Variants in SIK3 observed in about 807,000 individuals in gnomAD.
SIK3 encodes SIK family kinase 3, also known as serine/threonine-protein kinase SIK3.
A neutral mutation model predicts 144.2 loss-of-function variants in SIK3; 28 were observed. The ratio of observed to expected loss-of-function variants is 0.19; its 90% confidence interval spans 0.14 to 0.27. The LOEUF (loss-of-function observed/expected upper bound fraction) is 0.27, where lower values mean the gene tolerates loss of function less well. Among genes scored for constraint, SIK3 ranks in the 10% least tolerant of loss-of-function variants. SIK3 has a pLI of 1.00. For synonymous variants in SIK3, 686 were observed against 676.3 expected (o/e 1.01, Z -0.22); for missense variants, 1,319 against 1,776.0 (o/e 0.74, Z 4.62).
At chr11:117,057,827 C>T (rs1164742696) in intron 1 of SIK3, among the ~76,000 whole-genome samples, 2 of 152,136 alleles carry the variant, frequency 1.3e-5, no homozygotes, top group African/African-American at 2.4e-5. Flanking sequence ...CTTATTTACC[C>T]ACCTATACAA....
chr11:116,965,204 T>C (rs1949484163), intron 1 of SIK3, among the ~76,000 whole-genome samples: 1 of 152,208 alleles, frequency 6.6e-6, no homozygotes, highest in African/African-American at 2.4e-5. Context: ...AATTCCCATC[T>C]GGTTGACATT....
At position 116,858,459 on chromosome 11, in the gene SIK3, G is replaced by A. The variant is rs1943107534; in HGVS notation, c.3006C>T (p.Pro1002=). 1 of 1,605,028 alleles carries A rather than the reference G, an allele frequency of 6.2e-7. No homozygotes were observed. ...TSALQQALLS[P]TPPDYTRHQQ... is the part of the protein sequence containing the mutation. ...GGTGTCTTGTATAGTCTGGCGGCGT[G>A]GGAGACAGCAGGGCCTGCTGTAGTG... Residue 1002 remains proline (P), a synonymous_variant, in exon 21 of 25, where the codon CCC becomes CCT. Coordinates refer to ENST00000445177, the MANE Select transcript of SIK3 (RefSeq NM_001366686.3). This position sits in a 1 kb window ranked among gnomAD's most constrained non-coding sequence, Gnocchi z 5.4.
At chr11:116,957,719 C>T (rs1264941425) in intron 1 of SIK3, among the ~76,000 whole-genome samples, 1 of 152,132 alleles carries the variant, frequency 6.6e-6, no homozygotes, top group Non-Finnish European at 1.5e-5. Context: ...TTTAGAAATA[C>T]AGAAACTGAG....
At chr11:117,061,770 A>AT (rs1357712955) in intron 1 of SIK3, among the ~76,000 whole-genome samples, 10 of 152,210 alleles carry the variant, frequency 6.6e-5, no homozygotes, top group African/African-American at 2.2e-4. Flanking sequence ...ATTATCAATC[A>AT]TAAGCTATTC....
intron 1 of SIK3, among the ~76,000 whole-genome samples, chr11:117,014,967 G>A (rs1951456678): frequency 6.6e-6 from 1 of 152,124 alleles, no homozygotes; most frequent in Non-Finnish European, 1.5e-5. Context: ...AGGAGGCTGA[G>A]GCAGGAGGAT....
At chr11:116,868,176 C>T in intron 14 of SIK3, 87 bp from the exon 15 acceptor site, 1 of 1,512,198 alleles carries the variant, frequency 6.6e-7, no homozygotes, top group Non-Finnish European at 9.0e-7. Context: ...ATCCAAAGCA[C>T]TCAATGAAAT....
chr11:116,857,855 G>A lies in SIK3; in HGVS notation c.3610C>T (p.His1204Tyr), dbSNP rs1387715086. 5 of 1,614,098 alleles carry A rather than the reference G, an allele frequency of 3.1e-6. No homozygotes were observed. The African/African-American group carries it at 4.0e-5, about 13-fold the overall frequency. The change falls in exon 21 of 25, where the codon CAT becomes TAT. Residue 1204 changes from histidine (H) to tyrosine (Y), a missense_variant. By Grantham distance (83) the His-to-Tyr change is moderately conservative. Around this residue, in one of 8 missense-constraint regions of SIK3, gnomAD observed 646 missense variants for 763.7 expected, o/e 0.85. Transcript: ENST00000445177. ...AQELGIHPYG[H>Y]QPTAAFSKNK... ...TTACTGAATGCAGCAGTTGGCTGAT[G>A]ACCATAGGGATGTATCCCCAATTCT...
chr11:116,954,670 G>T (rs1949074540), intron 2 of SIK3, among the ~76,000 whole-genome samples: 1 of 152,064 alleles, frequency 6.6e-6, no homozygotes, highest in African/African-American at 2.4e-5. Context: ...TAAGTGATTT[G>T]TGTTTTGTCT....
At chr11:117,056,175 C>A (rs939496818) in intron 1 of SIK3, among the ~76,000 whole-genome samples, 3 of 152,088 alleles carry the variant, frequency 2.0e-5, no homozygotes, top group Non-Finnish European at 4.4e-5. Context: ...CACATATACA[C>A]CATGGAATAC....
At chr11:117,021,956 A>AAAAAAAAAAAAAC (rs1565565773) in intron 1 of SIK3, among the ~76,000 whole-genome samples, 1 of 144,790 alleles carries the variant, frequency 6.9e-6, no homozygotes, top group African/African-American at 2.7e-5. Context: ...AAAAAAAAAA[A>AAAAAAAAAAAAAC]AAAAACCTAA....
intron 1 of SIK3, among the ~76,000 whole-genome samples, chr11:117,087,927 T>C (rs1236269451): frequency 2.0e-5 from 3 of 152,140 alleles, no homozygotes; most frequent in Non-Finnish European, 1.5e-5. Flanking sequence ...AGCAATGTTA[T>C]GGTAAAGTAA....
chr11:117,045,794 G>A (rs962119041), intron 1 of SIK3, among the ~76,000 whole-genome samples: 1 of 152,184 alleles, frequency 6.6e-6, no homozygotes, highest in Non-Finnish European at 1.5e-5. Flanking sequence ...CCATTATTTT[G>A]GCATCTGTTT....
At chr11:116,855,475 G>A (rs1942834379) in intron 21 of SIK3, 1 of 152,238 alleles carries the variant, frequency 6.6e-6, no homozygotes, top group Non-Finnish European at 1.5e-5. Flanking sequence ...CTGACAATCA[G>A]GGGACAATGG....
At position 116,875,451 on chromosome 11, in the gene SIK3, C is replaced by A; in HGVS notation, c.1240G>T (p.Ala414Ser). The A allele has an allele frequency of 6.2e-7, 1 of 1,614,058 alleles. No individual in the cohort carries two copies. The highest frequency in any genetic ancestry group is 8.5e-7 in the Non-Finnish European group (1 of 1,179,988). ...TTCATAGCAGTACCTGCCTGCTCCG[C>A]CTGGAAAGCAGTACATACATATACA... is the stretch of plus-strand genomic sequence containing the variant. ...LAFQAPVNIQAEQAGTAMNIS... is the reference protein window; with the variant it reads ...LAFQAPVNIQSEQAGTAMNIS... Residue 414 changes from alanine to serine, a missense_variant and splice_region_variant, in exon 10 of 25, where the codon GCG (alanine) becomes TCG (serine). Physicochemically the swap from Ala to Ser is moderately conservative, Grantham distance 99 (BLOSUM62 1). Around this residue, in one of 8 missense-constraint regions of SIK3, gnomAD observed 109 missense variants for 109.3 expected, o/e 1.00. Transcript: ENST00000445177.
At position 117,021,928 on chromosome 11, in the gene SIK3, CAAAAAAAAAAAAAAA is replaced by C. The variant is rs71037444; in HGVS notation, c.274-64879_274-64865del. On this transcript the variant is annotated intron_variant, in intron 1 of 24. Coordinates refer to ENST00000445177, the MANE Select transcript of SIK3 (RefSeq NM_001366686.3). ...ATAGCACAGTGAGCCTCTGTCTCTA[CAAAAAAAAAAAAAAA>C]AAAAAAAAAAAAAAAAAACCTAAAA... is the stretch of plus-strand genomic sequence containing the variant. Among the ~76,000 whole-genome samples, 545 of 58,996 alleles carry C rather than the reference CAAAAAAAAAAAAAAA, an allele frequency of 9.2e-3. 1 individual carries two copies. The highest frequency in any genetic ancestry group is 0.016 in the Non-Finnish European group (440 of 27,096). 38.7% of individuals were successfully genotyped at this position (58,996 alleles called of 152,430 possible).
At chr11:117,023,623 TA>T in intron 1 of SIK3, among the ~76,000 whole-genome samples, 1 of 80,428 alleles carries the variant, frequency 1.2e-5, no homozygotes, top group Admixed American at 1.2e-4. Context: ...AAAAAAAAAA[TA>T]TATATATATA....
chr11:116,964,249 C>A (rs550220581), intron 1 of SIK3, among the ~76,000 whole-genome samples: 1 of 152,272 alleles, frequency 6.6e-6, no homozygotes, highest in African/African-American at 2.4e-5. Flanking sequence ...GATCCTCCCA[C>A]CTCAGTCTCC....
At chr11:117,088,636 G>A (rs1955118072) in intron 1 of SIK3, among the ~76,000 whole-genome samples, 1 of 152,160 alleles carries the variant, frequency 6.6e-6, no homozygotes, top group Admixed American at 6.5e-5. Flanking sequence ...ATCACACTGT[G>A]CCATCCTAAT....
At chr11:116,947,189 A>ATAATATATGAATTATTAT (rs1948668549) in intron 3 of SIK3, among the ~76,000 whole-genome samples, 3 of 120,682 alleles carry the variant, frequency 2.5e-5, no homozygotes, top group Admixed American at 8.4e-5. Flanking sequence ...TATATAATAT[A>ATAATATATGAATTATTAT]TTATATACAA....
Sources: gnomAD v4.1 joint callset for allele counts (sites outside exome capture counted in the v4.1 genomes callset) on GRCh38, gnomAD v4.1.1 for gene constraint, gnomAD v4.1.1 regional missense constraint, Gnocchi (gnomAD v3.1) non-coding constraint, MANE v1.5 for transcripts, NCBI Gene and HGNC (gene_info 2026-07-23, HGNC 2026-07-21) for gene names.